TERB1: variants seen among roughly 807,000 people sequenced by gnomAD.
TERB1 encodes telomere repeat binding bouquet formation protein 1.
Under a neutral mutation model 92.3 loss-of-function variants are expected in TERB1, and 63 were observed. The ratio of observed to expected loss-of-function variants is 0.68; its 90% CI spans 0.56 to 0.84. The LOEUF (loss-of-function observed/expected upper bound fraction) is 0.84. Among genes scored for constraint, TERB1 ranks in the 40% least tolerant of loss-of-function variants. TERB1 has a pLI of 0.00. For synonymous variants in TERB1, 252 were observed against 283.9 expected, an observed-to-expected ratio of 0.89 and a Z score of 1.13; for missense variants, 709 against 843.7, an observed-to-expected ratio of 0.84 and a Z score of 1.98.
At position 66,769,968 on chromosome 16, in the gene TERB1, T is replaced by A; in HGVS notation, c.1614A>T (p.Gln538His). The change falls in exon 14 of 19, where the codon CAA becomes CAT. Residue 538 changes from glutamine to histidine, a missense_variant. Coordinates refer to ENST00000433154, the MANE Select transcript of TERB1 (RefSeq NM_001136505.2). ...ETTFEKNFVSQSSDHVFKHPV... is the reference protein window; with the variant it reads ...ETTFEKNFVSHSSDHVFKHPV... The stretch of plus-strand genomic sequence containing the variant: ...ACACAATTATTAAACTATACCTTGA[T>A]TGAGAAACAAAATTCTTTTCAAAAG... 1 of 1,547,572 alleles carries A rather than the reference T, an allele frequency of 6.5e-7. No homozygotes were observed. The highest frequency in any genetic ancestry group is 8.7e-7 in the Non-Finnish European group (1 of 1,143,968).
chr16:66,780,616 AGT>A lies in TERB1; in HGVS notation c.701-1603_701-1602del, dbSNP rs1417588394. ...TTGTTAATGCATTGATGAAAATGGC[AGT>A]GTGTTACCACAGATTCTTAGTTATA... On this transcript the variant is annotated intron_variant, in intron 9 of 18. Coordinates refer to ENST00000433154, the MANE Select transcript of TERB1 (RefSeq NM_001136505.2). Among the ~76,000 whole-genome samples the A allele has an allele frequency of 3.9e-5, 6 of 152,024 alleles. 1 individual carries two copies. The highest frequency in any genetic ancestry group is 5.9e-5 in the Non-Finnish European group (4 of 68,008).
chr16:66,755,961 C>A (rs1274958086), intron 18 of TERB1, among the ~76,000 whole-genome samples: 2 of 152,074 alleles, frequency 1.3e-5, no homozygotes, highest in Non-Finnish European at 1.5e-5. Context: ...TCAGCTAGAT[C>A]AAAACTCAAA....
chr16:66,768,721 A>T (rs1333066770), intron 14 of TERB1, among the ~76,000 whole-genome samples: 1 of 152,228 alleles, frequency 6.6e-6, no homozygotes. Context: ...CTATCTGTCC[A>T]TGTACGTATA....
intron 5 of TERB1, among the ~76,000 whole-genome samples, chr16:66,790,370 A>G (rs1373229539): frequency 6.7e-6 from 1 of 150,128 alleles, no homozygotes; most frequent in African/African-American, 2.4e-5. Flanking sequence ...AGAAAGAAGA[A>G]AGGAAAGGCA....
chr16:66,770,813 A>T (rs1448033243), intron 13 of TERB1, among the ~76,000 whole-genome samples: 1 of 152,180 alleles, frequency 6.6e-6, no homozygotes, highest in East Asian at 1.9e-4. Flanking sequence ...ACCCAGAAAT[A>T]ATATGTATAA....
At chr16:66,759,797 CAAA>C (rs762588462) in intron 16 of TERB1, among the ~76,000 whole-genome samples, 1 of 30,798 alleles carries the variant, frequency 3.2e-5, no homozygotes, top group Admixed American at 3.1e-4. Flanking sequence ...GACTCTGTCT[CAAA>C]AAAAAAAAAA....
intron 11 of TERB1, among the ~76,000 whole-genome samples, chr16:66,775,958 C>T (rs2018541490): frequency 2.6e-5 from 4 of 151,978 alleles, no homozygotes; most frequent in Admixed American, 2.6e-4. Context: ...GATCTGCCCA[C>T]CTCAGCCTCT....
In TERB1 at chr16:66,788,260, AAAC is replaced by A. The variant is rs2018761279; in HGVS notation, c.306_308del (p.Leu102del). ...TAGATAAGAACCAAGTTAAGTCTTC[AAAC>A]AACTCTGAAGTACACAAAGTCTGCT... On this transcript the variant is annotated inframe_deletion, in exon 6 of 19. Coordinates refer to ENST00000433154, the MANE Select transcript of TERB1 (RefSeq NM_001136505.2). The A allele has an allele frequency of 6.6e-7, 1 of 1,513,956 alleles. No homozygotes were observed. The highest frequency in any genetic ancestry group is 8.8e-7 in the Non-Finnish European group (1 of 1,133,326). 93.8% of individuals were successfully genotyped at this position (1,513,956 alleles called of 1,614,324 possible). A position where few individuals can be genotyped will look rare whatever the true frequency, so the allele number is the denominator to read the frequency against.
At chr16:66,781,686 A>AT (rs1417810005) in intron 9 of TERB1, among the ~76,000 whole-genome samples, 1 of 151,606 alleles carries the variant, frequency 6.6e-6, no homozygotes, top group Admixed American at 6.6e-5. Flanking sequence ...CGCCCGGCTA[A>AT]TTTTTTTGTA....
At chr16:66,766,275 A>T (rs566457355) in intron 16 of TERB1, among the ~76,000 whole-genome samples, 4 of 151,536 alleles carry the variant, frequency 2.6e-5, no homozygotes, top group African/African-American at 7.3e-5. Context: ...ATTAGTATTA[A>T]AATGTGGAGA....
Position 66,754,687 on chromosome 16 carries a change from CTAAT to C in TERB1, c.*285_*288del. ...TATAATGTCAAATAACATTTAAAGGCTAATTCTTTTCTCTGTGTCCTTTAAGCTT... is the reference window on the plus strand; with the variant it reads ...TATAATGTCAAATAACATTTAAAGGCTCTTTTCTCTGTGTCCTTTAAGCTT... On this transcript the variant is annotated 3_prime_UTR_variant, in exon 19 of 19. Transcript: ENST00000433154. The C allele has an allele frequency of 3.0e-6, 1 of 331,044 alleles. No homozygotes were observed. The highest frequency in any genetic ancestry group is 5.8e-5 in the South Asian group (1 of 17,264). 20.5% of individuals were successfully genotyped at this position (331,044 alleles called of 1,614,324 possible).
Position 66,770,035 on chromosome 16 carries a change from T to C in TERB1, c.1547A>G (p.Lys516Arg). The change falls in exon 14 of 19, where the codon AAA becomes AGA. Residue 516 changes from lysine (K) to arginine (R), a missense_variant. Coordinates refer to ENST00000433154, the MANE Select transcript of TERB1 (RefSeq NM_001136505.2). ...GTTTTGATTGCAGCTTGACTTGGCT[T>C]TATATAAAGTCTTATTTTGCTCACT... The part of the protein sequence containing the change: ...RESEQNKTLY[K>R]AKSSCNQNLH... The C allele has an allele frequency of 1.3e-6, 2 of 1,551,778 alleles. No individual in the cohort carries two copies. The highest frequency in any genetic ancestry group is 4.9e-5 in the East Asian group (2 of 40,918).
chr16:66,798,093 A>T (rs1959208224), intron 2 of TERB1, among the ~76,000 whole-genome samples: 1 of 151,808 alleles, frequency 6.6e-6, no homozygotes, highest in South Asian at 2.1e-4. Context: ...AAAAGAAAAT[A>T]CCTAAGCACA....
intron 12 of TERB1, among the ~76,000 whole-genome samples, chr16:66,774,775 A>G (rs2018516845): frequency 6.6e-6 from 1 of 150,518 alleles, no homozygotes; most frequent in Non-Finnish European, 1.5e-5. Context: ...CCTCGACCTG[A>G]GCAACTCCTG....
chr16:66,781,118 C>T (rs1394572691), intron 9 of TERB1, among the ~76,000 whole-genome samples: 2 of 152,098 alleles, frequency 1.3e-5, no homozygotes, highest in African/African-American at 4.8e-5. Context: ...GTAGCGTGAT[C>T]GTGGCTTACT....
At chr16:66,755,381 A>G (rs1290094635) in intron 18 of TERB1, among the ~76,000 whole-genome samples, 3 of 152,238 alleles carry the variant, frequency 2.0e-5, no homozygotes, top group Non-Finnish European at 4.4e-5. Flanking sequence ...TTCAGTAATT[A>G]TAACTTAATT....
At chr16:66,776,346 A>G (rs1466613546) in intron 11 of TERB1, among the ~76,000 whole-genome samples, 1 of 149,958 alleles carries the variant, frequency 6.7e-6, no homozygotes, top group Non-Finnish European at 1.5e-5. Flanking sequence ...AAAAAAAAAG[A>G]AAGAAAAAGA....
chr16:66,794,281 G>A (rs2018889071), intron 3 of TERB1, among the ~76,000 whole-genome samples: 1 of 151,714 alleles, frequency 6.6e-6, no homozygotes, highest in Non-Finnish European at 1.5e-5. Flanking sequence ...TATATTTTTT[G>A]TATAAACGGG....
rs1211693732 is a variant in TERB1 at position 66,770,054 on chromosome 16, G to T, written c.1528C>A (p.Gln510Lys). Residue 510 changes from glutamine to lysine, a missense_variant, in exon 14 of 19, where the codon CAA (glutamine) becomes AAA (lysine). Coordinates refer to ENST00000433154, the MANE Select transcript of TERB1 (RefSeq NM_001136505.2). ...TTGGCTTTATATAAAGTCTTATTTTGCTCACTCTCCCTGTAACAAGCATGG... is the reference window on the plus strand; with the variant it reads ...TTGGCTTTATATAAAGTCTTATTTTTCTCACTCTCCCTGTAACAAGCATGG... ...PVHACYRESE[Q>K]NKTLYKAKSS... The T allele has an allele frequency of 6.4e-7, 1 of 1,551,644 alleles. No homozygotes were observed. The highest frequency in any genetic ancestry group is 8.7e-7 in the Non-Finnish European group (1 of 1,146,980).
Sources: gnomAD v4.1 joint callset for allele counts (sites outside exome capture counted in the v4.1 genomes callset) on GRCh38, gnomAD v4.1.1 for gene constraint, MANE v1.5 for transcripts, NCBI Gene and HGNC (gene_info 2026-07-23, HGNC 2026-07-21) for gene names.